The following RABEP1 variants were observed in gnomAD, a reference collection of about 807,000 sequenced individuals.
The protein encoded by RABEP1 is rab GTPase-binding effector protein 1.
RABEP1 carries 51 observed loss-of-function variants against 123.4 expected under a neutral mutation model. The ratio of observed to expected loss-of-function variants is 0.41; its 90% CI spans 0.33 to 0.52. The LOEUF (loss-of-function observed/expected upper bound fraction) is 0.52. Ranked by LOEUF, RABEP1 falls within the 20% of genes least tolerant of loss-of-function variation. The probability of loss-of-function intolerance (pLI) is 0.16; values close to 1 mark genes in which losing one functional copy is unlikely to be tolerated. For missense variants in RABEP1, 888 were observed against 996.3 expected (o/e 0.89, Z 1.46); for synonymous variants, 347 against 355.2 (o/e 0.98, Z 0.26).
At position 5,331,928 on chromosome 17, in the gene RABEP1, A is replaced by G. The variant is rs369651293; in HGVS notation, c.164-21A>G. On this transcript the variant is annotated intron_variant, in intron 2 of 17. Coordinates refer to ENST00000537505, the MANE Select transcript of RABEP1 (RefSeq NM_004703.6). ...TGATCAAAGTGAACATTAATGGACT[A>G]TCTTTTACTTTTCTCTCCAGAGGAT... 346 of 1,607,854 alleles carry G rather than the reference A, an allele frequency of 2.2e-4. 1 individual carries two copies. The highest frequency in any genetic ancestry group is 2.7e-4 in the Non-Finnish European group (323 of 1,174,592).
At position 5,381,412 on chromosome 17, in the gene RABEP1, T is replaced by G; in HGVS notation, c.2394T>G (p.Phe798Leu). Residue 798 changes from phenylalanine (F) to leucine (L), a missense_variant, in exon 17 of 18, where the codon TTT (phenylalanine) becomes TTG (leucine). Coordinates refer to ENST00000537505, the MANE Select transcript of RABEP1 (RefSeq NM_004703.6). ...AGGCTACCGTTGAACAACTAATGTT[T>G]GAAGAGAAGAATAAAGCTCAGAGAT... ...AAKATVEQLM[F>L]EEKNKAQRLQ... The G allele has an allele frequency of 6.2e-7, 1 of 1,613,364 alleles. No homozygotes were observed. Among genetic ancestry groups the G allele is most frequent in the African/African-American group, 1.3e-5 (1 of 75,022 alleles).
chr17:5,341,624 A>G (rs1189683719), intron 5 of RABEP1, among the ~76,000 whole-genome samples: 1 of 152,244 alleles, frequency 6.6e-6, no homozygotes, highest in Non-Finnish European at 1.5e-5. Flanking sequence ...GTAGATCTTC[A>G]CTACAAGTGA....
chr17:5,358,681 A>G (rs1279175222), intron 8 of RABEP1, among the ~76,000 whole-genome samples: 1 of 152,046 alleles, frequency 6.6e-6, no homozygotes, highest in Non-Finnish European at 1.5e-5. Flanking sequence ...GGAAAAAAAA[A>G]AAAAGAACTG....
chr17:5,347,928 A>G (rs550358004), intron 6 of RABEP1, among the ~76,000 whole-genome samples: 1 of 152,306 alleles, frequency 6.6e-6, no homozygotes, highest in East Asian at 1.9e-4. Flanking sequence ...GGTTAATTAA[A>G]ATGAGGAAGG....
chr17:5,361,701 C>T lies in RABEP1; in HGVS notation c.1563+26C>T. 2.6e-6 allele frequency: 4 copies of T among 1,556,338 alleles called. No homozygotes were observed. The South Asian group carries it at 3.7e-5, about 14-fold the overall frequency. ...GTGAGTTACCTTTCTCACGTTTTTC[C>T]TCTTGCTCACGCTGAGGCACACTGG... is the stretch of plus-strand genomic sequence containing the variant. On this transcript the variant is annotated intron_variant, in intron 9 of 17. Transcript: ENST00000537505.
intron 2 of RABEP1, among the ~76,000 whole-genome samples, chr17:5,316,973 C>G (rs971540772): frequency 2.0e-5 from 3 of 151,614 alleles, no homozygotes; most frequent in Non-Finnish European, 4.4e-5. Context: ...GGCACTATGT[C>G]GGCTGACTGC....
intron 2 of RABEP1, among the ~76,000 whole-genome samples, chr17:5,325,656 A>C (rs1905897510): frequency 6.6e-6 from 1 of 151,842 alleles, no homozygotes; most frequent in African/African-American, 2.4e-5. Context: ...TAGATTTCAA[A>C]ATAGAAGAAT....
rs984359863 is a variant in RABEP1, at chr17:5,308,947, G to T, written c.163+125G>T. The T allele has an allele frequency of 5.0e-6, 5 of 1,008,746 alleles. No individual in the cohort carries two copies. The African/African-American group carries it at 8.4e-5, about 17-fold the overall frequency. The allele number at this position is 1,008,746 out of a possible 1,614,324, so 62.5% of individuals were successfully genotyped here. A position where few individuals can be genotyped will look rare whatever the true frequency, so the allele number is the denominator to read the frequency against. The stretch of plus-strand genomic sequence containing the variant: ...TTTTATTTGTACTTGCATAATAAAA[G>T]AATACTGTTTAAAGGCTAGGTTAAG... On this transcript the variant is annotated intron_variant, in intron 2 of 17. Transcript: ENST00000537505.
chr17:5,282,953 CTT>C (rs561787925), intron 1 of RABEP1, among the ~76,000 whole-genome samples: 402 of 152,162 alleles, frequency 2.6e-3, no homozygotes, highest in Non-Finnish European at 4.9e-3. Flanking sequence ...CTATAGAACT[CTT>C]TGCACCCAGT....
intron 5 of RABEP1, among the ~76,000 whole-genome samples, chr17:5,342,598 T>C (rs1476271965): frequency 6.6e-6 from 1 of 152,106 alleles, no homozygotes; most frequent in African/African-American, 2.4e-5. Flanking sequence ...AGAGCGAGAC[T>C]CTGTCTCACA....
At chr17:5,290,425 A>C (rs2075022126) in intron 1 of RABEP1, among the ~76,000 whole-genome samples, 1 of 152,062 alleles carries the variant, frequency 6.6e-6, no homozygotes, top group Admixed American at 6.6e-5. Context: ...ATTCAGAAAA[A>C]ATTTGGAATG....
chr17:5,327,114 G>A (rs145271930), intron 2 of RABEP1, among the ~76,000 whole-genome samples: 2,457 of 152,262 alleles, frequency 0.016, 60 homozygotes, highest in African/African-American at 0.056. Context: ...TTGGGAGGCC[G>A]AGGTGGGCGG....
At position 5,303,549 on chromosome 17, in the gene RABEP1, T is replaced by A. The variant is rs143709254; in HGVS notation, c.35-5145T>A. ...GAGCCACTGTGCCTGTCCAATAGTT[T>A]TATTTTAAAATCCAGTGAGAAACAA... On this transcript the variant is annotated intron_variant, in intron 1 of 17. Coordinates refer to ENST00000537505, the MANE Select transcript of RABEP1 (RefSeq NM_004703.6). Among the ~76,000 whole-genome samples, 89 of 152,286 alleles carry A rather than the reference T, an allele frequency of 5.8e-4. 1 individual carries two copies. In the East Asian group the frequency reaches 0.017, roughly 29 times the overall value.
chr17:5,311,501 C>T (rs1028210990), intron 2 of RABEP1, among the ~76,000 whole-genome samples: 4 of 151,704 alleles, frequency 2.6e-5, no homozygotes, highest in African/African-American at 4.8e-5. Flanking sequence ...TCGAGACCAG[C>T]TGGGCCAACA....
At chr17:5,372,464 A>G (rs1910598194) in intron 12 of RABEP1, among the ~76,000 whole-genome samples, 1 of 152,154 alleles carries the variant, frequency 6.6e-6, no homozygotes, top group Non-Finnish European at 1.5e-5. Flanking sequence ...AAAAAAAAGA[A>G]TAAGCTTCTC....
At position 5,367,417 on chromosome 17, in the gene RABEP1, ACC is replaced by A. The variant is rs1434422763; in HGVS notation, c.1786-951_1786-950del. Reference sequence around the variant, plus strand: ...CTCCTGAGTAGCTGGGACTACAGGCACCCGCCACCACGCCCGGCTAATTTTTT... The same window carrying A: ...CTCCTGAGTAGCTGGGACTACAGGCACGCCACCACGCCCGGCTAATTTTTT... On this transcript the variant is annotated intron_variant, in intron 11 of 17. Coordinates refer to ENST00000537505, the MANE Select transcript of RABEP1 (RefSeq NM_004703.6). 1.3e-5 allele frequency among the ~76,000 whole-genome samples: 2 copies of A among 150,440 alleles called. 1 individual carries two copies. Among genetic ancestry groups the A allele is most frequent in the Non-Finnish European group, 3.0e-5 (2 of 67,306 alleles).
chr17:5,324,168 CTA>C (rs1351006207), intron 2 of RABEP1, among the ~76,000 whole-genome samples: 1 of 152,026 alleles, frequency 6.6e-6, no homozygotes, highest in African/African-American at 2.4e-5. Context: ...AGGAATCACA[CTA>C]TATAACATTA....
intron 1 of RABEP1, among the ~76,000 whole-genome samples, chr17:5,290,754 T>G (rs1484272863): frequency 6.6e-6 from 1 of 152,066 alleles, no homozygotes; most frequent in Non-Finnish European, 1.5e-5. Flanking sequence ...TGACCCAGCC[T>G]GACTAATTTT....
intron 1 of RABEP1, among the ~76,000 whole-genome samples, chr17:5,303,089 C>A (rs1014640904): frequency 3.3e-5 from 5 of 151,992 alleles, no homozygotes; most frequent in African/African-American, 1.2e-4. Flanking sequence ...ATATTCATTA[C>A]AGTCTTTTTT....
Sources: gnomAD v4.1 joint callset for allele counts (sites outside exome capture counted in the v4.1 genomes callset) on GRCh38, gnomAD v4.1.1 for gene constraint, MANE v1.5 for transcripts, NCBI Gene and HGNC (gene_info 2026-07-23, HGNC 2026-07-21) for gene names.